PPP3CA: variants seen among roughly 807,000 people sequenced by gnomAD.
The protein encoded by PPP3CA is CAM-PRP catalytic subunit.
Under a neutral mutation model 66.5 loss-of-function variants are expected in PPP3CA, and 14 were observed. That is an observed-to-expected ratio of 0.21 (90% confidence interval 0.14 to 0.33). PPP3CA has a LOEUF of 0.33. Ranked by LOEUF, PPP3CA falls within the 10% of genes least tolerant of loss-of-function variation. The pLI is 1.00. For missense variants in PPP3CA, 317 were observed against 639.5 expected, an observed-to-expected ratio of 0.50 and a Z score of 5.44; for synonymous variants, 232 against 226.2, an observed-to-expected ratio of 1.03 and a Z score of -0.23.
intron 11 of PPP3CA, among the ~76,000 whole-genome samples, chr4:101,034,915 C>T (rs1358539063): frequency 2.6e-5 from 4 of 152,024 alleles, no homozygotes; most frequent in East Asian, 1.9e-4. Flanking sequence ...ATGGCTTTTG[C>T]CTCATGAGTG....
At chr4:101,042,623 A>G (rs1374060989) in intron 10 of PPP3CA, among the ~76,000 whole-genome samples, 1 of 152,094 alleles carries the variant, frequency 6.6e-6, no homozygotes, top group Non-Finnish European at 1.5e-5. Flanking sequence ...GGGGAGGAAA[A>G]TAGGGTGTGT....
intron 2 of PPP3CA, among the ~76,000 whole-genome samples, chr4:101,181,342 CA>C (rs1471243840): frequency 1.3e-5 from 2 of 152,024 alleles, no homozygotes; most frequent in East Asian, 3.9e-4. Context: ...GAAAAGATAT[CA>C]AATACTCAAT....
chr4:101,072,990 C>A (rs968834688), intron 8 of PPP3CA, among the ~76,000 whole-genome samples: 12 of 149,144 alleles, frequency 8.0e-5, no homozygotes, highest in Non-Finnish European at 1.5e-4. Flanking sequence ...CTCAAGGTGA[C>A]AATGATAATG....
Position 101,109,071 on chromosome 4 carries a change from C to A in PPP3CA, c.267G>T (p.Gly89=), listed in dbSNP as rs1258928713. 1.2e-6 allele frequency: 2 copies of A among 1,612,282 alleles called. No individual in the cohort carries two copies. Among genetic ancestry groups the A allele is most frequent in the African/African-American group, 2.7e-5 (2 of 74,732 alleles). Residue 89 remains glycine (G), a synonymous_variant, in exon 3 of 14, where the codon GGG becomes GGT. Coordinates refer to ENST00000394854, the MANE Select transcript of PPP3CA (RefSeq NM_000944.5). ...LDIDAPVTVC[G]DIHGQFFDLM... Reference sequence around the variant, plus strand: ...AATCAAAGAATTGTCCATGAATGTCCCCACAAACTGAAAGAAACAAAATTC... The same window carrying A: ...AATCAAAGAATTGTCCATGAATGTCACCACAAACTGAAAGAAACAAAATTC...
chr4:101,097,340 G>C (rs751039687), intron 5 of PPP3CA, among the ~76,000 whole-genome samples: 1 of 151,944 alleles, frequency 6.6e-6, no homozygotes, highest in Non-Finnish European at 1.5e-5. Flanking sequence ...AAGTACAAGC[G>C]TATTTTCTTA....
intron 8 of PPP3CA, among the ~76,000 whole-genome samples, chr4:101,067,942 T>A (rs1728753578): frequency 6.6e-6 from 1 of 152,096 alleles, no homozygotes; most frequent in Non-Finnish European, 1.5e-5. Context: ...CAAGTGGGTG[T>A]CCAGAGGAAT....
At chr4:101,331,444 G>A (rs779790972) in intron 1 of PPP3CA, among the ~76,000 whole-genome samples, 23 of 152,124 alleles carry the variant, frequency 1.5e-4, no homozygotes, top group Non-Finnish European at 3.2e-4. Context: ...GCCAGGCATT[G>A]CACTAAGCAC....
At chr4:101,047,453 C>T (rs1246126074) in intron 10 of PPP3CA, among the ~76,000 whole-genome samples, 3 of 152,190 alleles carry the variant, frequency 2.0e-5, no homozygotes, top group Non-Finnish European at 4.4e-5. Context: ...TTACCAATGG[C>T]ATATAAATAT....
chr4:101,280,074 C>T (rs1485779642), intron 1 of PPP3CA, among the ~76,000 whole-genome samples: 1 of 152,126 alleles, frequency 6.6e-6, no homozygotes, highest in Non-Finnish European at 1.5e-5. Context: ...GGACCAGGCA[C>T]TGTAGTAAGA....
At chr4:101,235,832 T>C (rs550587175) in intron 1 of PPP3CA, among the ~76,000 whole-genome samples, 11 of 151,974 alleles carry the variant, frequency 7.2e-5, no homozygotes, top group African/African-American at 2.6e-4. Context: ...TAACAGATAA[T>C]ATACCCTTTG....
At chr4:101,116,563 A>AT (rs1268773141) in intron 2 of PPP3CA, among the ~76,000 whole-genome samples, 3 of 151,854 alleles carry the variant, frequency 2.0e-5, no homozygotes, top group Admixed American at 6.6e-5. Context: ...TTATGGAACC[A>AT]TAAGTGGATG....
chr4:101,221,485 T>C (rs1725623175), intron 1 of PPP3CA, among the ~76,000 whole-genome samples: 2 of 151,638 alleles, frequency 1.3e-5, no homozygotes, highest in African/African-American at 4.8e-5. Flanking sequence ...AGCATTCTAG[T>C]TGGCTTCCCT....
At position 101,346,980 on chromosome 4, in the gene PPP3CA, C is replaced by T. The variant is rs1003686841; in HGVS notation, c.-184G>A. 74 of 640,340 alleles carry T rather than the reference C, an allele frequency of 1.2e-4. No homozygotes were observed. The East Asian group carries it at 2.2e-3, about 19-fold the overall frequency. 39.7% of individuals were successfully genotyped at this position (640,340 alleles called of 1,614,324 possible). Reference sequence around the variant, plus strand: ...GCTGCCTTTTCCGCGCGTCCCTCCTCCGCCGCCGCCGCCTTCACTCCTCCT... The same window carrying T: ...GCTGCCTTTTCCGCGCGTCCCTCCTTCGCCGCCGCCGCCTTCACTCCTCCT... On this transcript the variant is annotated 5_prime_UTR_variant, in exon 1 of 14. Coordinates refer to ENST00000394854, the MANE Select transcript of PPP3CA (RefSeq NM_000944.5).
At chr4:101,189,813 C>T (rs971623774) in intron 2 of PPP3CA, among the ~76,000 whole-genome samples, 3 of 151,174 alleles carry the variant, frequency 2.0e-5, no homozygotes, top group Non-Finnish European at 2.9e-5. Flanking sequence ...GTGTCATACA[C>T]AAAAAGAAAG....
At chr4:101,263,522 C>T (rs758874352) in intron 1 of PPP3CA, among the ~76,000 whole-genome samples, 9 of 151,908 alleles carry the variant, frequency 5.9e-5, no homozygotes, top group Non-Finnish European at 1.3e-4. Context: ...TCCTTACTGT[C>T]AATTAAGGTA....
chr4:101,244,891 A>C (rs1379818609), intron 1 of PPP3CA, among the ~76,000 whole-genome samples: 1 of 152,108 alleles, frequency 6.6e-6, no homozygotes, highest in African/African-American at 2.4e-5. Flanking sequence ...CTCTGTAAGA[A>C]ACGGCTTTAA....
At chr4:101,318,535 A>G (rs1286007601) in intron 1 of PPP3CA, among the ~76,000 whole-genome samples, 1 of 152,162 alleles carries the variant, frequency 6.6e-6, no homozygotes, top group Non-Finnish European at 1.5e-5. Flanking sequence ...TGAATCATGA[A>G]GTATTAAATT....
chr4:101,336,847 G>C (rs766057285), intron 1 of PPP3CA, among the ~76,000 whole-genome samples: 1 of 152,218 alleles, frequency 6.6e-6, no homozygotes, highest in Non-Finnish European at 1.5e-5. Flanking sequence ...AGAGGCTGGA[G>C]AGGGAGTTCC....
intron 7 of PPP3CA, among the ~76,000 whole-genome samples, chr4:101,081,059 C>T (rs982234457): frequency 6.6e-6 from 1 of 151,990 alleles, no homozygotes; most frequent in Non-Finnish European, 1.5e-5. Context: ...AATAACCAGG[C>T]CAATTATCTG....
Sources: gnomAD v4.1 joint callset for allele counts (sites outside exome capture counted in the v4.1 genomes callset) on GRCh38, gnomAD v4.1.1 for gene constraint, MANE v1.5 for transcripts, NCBI Gene and HGNC (gene_info 2026-07-23, HGNC 2026-07-21) for gene names.